SH3RF3: variants seen among roughly 807,000 people sequenced by gnomAD.
The protein encoded by SH3RF3 is SH3 domain containing ring finger 3, also known as E3 ubiquitin-protein ligase SH3RF3.
In SH3RF3, 29 loss-of-function variants were observed where a neutral mutation model predicts 66.3. That is an observed-to-expected ratio of 0.44 (90% CI 0.33 to 0.60). The LOEUF is 0.60. SH3RF3 is among the 20% of genes least tolerant of loss of function. SH3RF3 has a pLI of 0.04. For synonymous variants in SH3RF3, 583 were observed against 532.0 expected (o/e 1.10, Z -1.32); for missense variants, 1,194 against 1,190.9 (o/e 1.00, Z -0.04).
chr2:109,297,937 C>A lies in SH3RF3; in HGVS notation c.574-49737C>A, dbSNP rs183119667. Among the ~76,000 whole-genome samples, 43 of 152,208 alleles carry A rather than the reference C, an allele frequency of 2.8e-4. No homozygotes were observed. The East Asian group carries it at 6.8e-3, about 24-fold the overall frequency. On this transcript the variant is annotated intron_variant, in intron 1 of 9. Coordinates refer to ENST00000309415, the MANE Select transcript of SH3RF3 (RefSeq NM_001099289.3). The stretch of plus-strand genomic sequence containing the variant: ...TCCCCACCCAGATGTGTGTTCCCCC[C>A]CCACCACCAGACTAGTGCCCCTCAA...
chr2:109,419,540 A>T lies in SH3RF3; in HGVS notation c.1301A>T (p.Asp434Val), dbSNP rs1342742930. 6.3e-7 allele frequency: 1 copy of T among 1,592,590 alleles called. No homozygotes were observed. ...CTGTCCCCTCTTGTCTGTTTCCAGG[A>T]TGTCTCCTCCTCGGCGGGATCTACC... ...AHLSCAAPTQ[D>V]VSSSAGSTPT... The change falls in exon 5 of 10, where the codon GAT becomes GTT. Residue 434 changes from aspartate to valine, a missense_variant and splice_region_variant. By Grantham distance (152) the Asp-to-Val change is radical. Coordinates refer to ENST00000309415, the MANE Select transcript of SH3RF3 (RefSeq NM_001099289.3).
chr2:109,239,211 G>C (rs1679721842), intron 1 of SH3RF3, among the ~76,000 whole-genome samples: 1 of 152,032 alleles, frequency 6.6e-6, no homozygotes, highest in Non-Finnish European at 1.5e-5. Flanking sequence ...GCTCCGAAAA[G>C]AGCTGGGGTC....
At chr2:109,235,387 T>C (rs1372946119) in intron 1 of SH3RF3, among the ~76,000 whole-genome samples, 1 of 152,160 alleles carries the variant, frequency 6.6e-6, no homozygotes, top group Non-Finnish European at 1.5e-5. Context: ...CCTAATCTTT[T>C]CAAAGCCTTT....
chr2:109,262,834 T>C (rs2105294792), intron 1 of SH3RF3, among the ~76,000 whole-genome samples: 1 of 152,284 alleles, frequency 6.6e-6, no homozygotes, highest in South Asian at 2.1e-4. Context: ...ACTTTCTTTT[T>C]TCTTTTTTAT....
intron 1 of SH3RF3, among the ~76,000 whole-genome samples, chr2:109,206,752 G>A (rs1195113298): frequency 6.6e-6 from 1 of 151,346 alleles, no homozygotes; most frequent in Admixed American, 6.6e-5. Flanking sequence ...GGAGTTCAAG[G>A]TTACAGTGAG....
At chr2:109,381,127 C>T (rs185540009) in intron 3 of SH3RF3, among the ~76,000 whole-genome samples, 46 of 152,290 alleles carry the variant, frequency 3.0e-4, no homozygotes, top group Admixed American at 9.1e-4. Context: ...CTGGATGCGA[C>T]GATGGAAGGC....
At chr2:109,433,869 G>A (rs1291629663) in intron 6 of SH3RF3, among the ~76,000 whole-genome samples, 1 of 152,212 alleles carries the variant, frequency 6.6e-6, no homozygotes, top group Admixed American at 6.5e-5. Context: ...ACTGCAGAGG[G>A]GCTTCAGGAA....
chr2:109,411,990 A>G (rs1413189299), intron 4 of SH3RF3, among the ~76,000 whole-genome samples: 3 of 151,950 alleles, frequency 2.0e-5, no homozygotes, highest in South Asian at 4.2e-4. Flanking sequence ...AAGGCCCCAG[A>G]CCCCTGAATG....
Position 109,448,456 on chromosome 2 carries a change from C to T in SH3RF3, c.1829-714C>T, listed in dbSNP as rs561005714. Among the ~76,000 whole-genome samples the T allele has an allele frequency of 8.7e-4, 132 of 152,240 alleles. No homozygotes were observed. In the Middle Eastern group the frequency reaches 0.024, roughly 27 times the overall value. Reference sequence around the variant, plus strand: ...ATCTGTATTTACAGCCCCTCCTCAACGCTTGCATTACCACCTGAGCTCCAC... The same window carrying T: ...ATCTGTATTTACAGCCCCTCCTCAATGCTTGCATTACCACCTGAGCTCCAC... On this transcript the variant is annotated intron_variant, in intron 7 of 9. Transcript: ENST00000309415.
intron 1 of SH3RF3, among the ~76,000 whole-genome samples, chr2:109,130,779 T>G (rs1016958569): frequency 6.6e-6 from 1 of 152,162 alleles, no homozygotes; most frequent in Non-Finnish European, 1.5e-5. Context: ...ATTATTATTA[T>G]TTTTGGTACA....
intron 8 of SH3RF3, among the ~76,000 whole-genome samples, chr2:109,465,785 G>A (rs10175977): frequency 0.016 from 2,385 of 152,248 alleles, 50 homozygotes; most frequent in African/African-American, 0.053. Flanking sequence ...AGGAGCAAGA[G>A]GGGAGGGAGG....
intron 8 of SH3RF3, among the ~76,000 whole-genome samples, chr2:109,462,201 G>T: frequency 6.7e-6 from 1 of 149,154 alleles, no homozygotes; most frequent in African/African-American, 2.5e-5. Context: ...ACATCTTGAG[G>T]AAGGCAAAGG....
chr2:109,478,765 A>G (rs998687535), intron 8 of SH3RF3, among the ~76,000 whole-genome samples: 3 of 152,178 alleles, frequency 2.0e-5, no homozygotes, highest in Non-Finnish European at 2.9e-5. Flanking sequence ...GGCTTATCAT[A>G]CAGGTTGGGT....
intron 1 of SH3RF3, among the ~76,000 whole-genome samples, chr2:109,234,754 A>G (rs540479921): frequency 6.6e-6 from 1 of 152,332 alleles, no homozygotes; most frequent in Admixed American, 6.5e-5. Context: ...AGCACACACC[A>G]CGTTTATTTG....
At chr2:109,388,627 C>T (rs1675893109) in intron 3 of SH3RF3, among the ~76,000 whole-genome samples, 1 of 152,218 alleles carries the variant, frequency 6.6e-6, no homozygotes, top group Non-Finnish European at 1.5e-5. Context: ...TAGCTGCATT[C>T]ATTCAAACAC....
chr2:109,373,638 C>T (rs1364493100), intron 3 of SH3RF3, among the ~76,000 whole-genome samples: 1 of 152,066 alleles, frequency 6.6e-6, no homozygotes, highest in East Asian at 1.9e-4. Flanking sequence ...CAGTAGTGAC[C>T]TTGGGGATTC....
At chr2:109,323,365 T>C (rs1428550435) in intron 1 of SH3RF3, among the ~76,000 whole-genome samples, 3 of 152,180 alleles carry the variant, frequency 2.0e-5, no homozygotes, top group Non-Finnish European at 4.4e-5. Flanking sequence ...AGCTATAGGA[T>C]CCACATATTC....
intron 9 of SH3RF3, 142 bp from the exon 10 acceptor site, chr2:109,501,361 A>T (rs1679380156): frequency 5.9e-6 from 3 of 506,724 alleles, no homozygotes; most frequent in African/African-American, 1.9e-5. Flanking sequence ...TGAAAAAATT[A>T]AAAATAAAGA....
intron 6 of SH3RF3, among the ~76,000 whole-genome samples, chr2:109,435,805 C>G (rs1677382739): frequency 6.6e-6 from 1 of 152,194 alleles, no homozygotes; most frequent in Non-Finnish European, 1.5e-5. Flanking sequence ...AAAGTGAGCT[C>G]AACAGATGAT....
Sources: gnomAD v4.1 joint callset for allele counts (sites outside exome capture counted in the v4.1 genomes callset) on GRCh38, gnomAD v4.1.1 for gene constraint, MANE v1.5 for transcripts, NCBI Gene and HGNC (gene_info 2026-07-23, HGNC 2026-07-21) for gene names.